NR1H3: variants seen among roughly 807,000 people sequenced by gnomAD.
NR1H3 encodes oxysterols receptor LXR-alpha.
Under a neutral mutation model 48.1 loss-of-function variants are expected in NR1H3, and 19 were observed. The observed-to-expected ratio is 0.40, with a 90% CI of 0.28 to 0.58. The LOEUF is 0.58. Among genes scored for constraint, NR1H3 ranks in the 20% least tolerant of loss-of-function variants. The pLI is 0.50. For missense variants in NR1H3, 486 were observed against 595.9 expected (o/e 0.82, Z 1.92); for synonymous variants, 232 against 227.3 (o/e 1.02, Z -0.19).
In NR1H3 at chr11:47,259,781, T is replaced by C; in HGVS notation, c.44-10T>C. On this transcript the variant is annotated splice_polypyrimidine_tract_variant and intron_variant, in intron 2 of 9. Coordinates refer to ENST00000441012, the MANE Select transcript of NR1H3 (RefSeq NM_005693.4). ...CTGAGACCCCCTTGTGCCTCTCTTT[T>C]GGAGCTCAGACTCTGCGGTGGAGCT... 6.2e-7 allele frequency: 1 copy of C among 1,611,942 alleles called. No homozygotes were observed. Among genetic ancestry groups the C allele is most frequent in the Non-Finnish European group, 8.5e-7 (1 of 1,179,858 alleles).
At chr11:47,262,536 G>T (rs1193798074) in intron 7 of NR1H3, among the ~76,000 whole-genome samples, 20 of 144,988 alleles carry the variant, frequency 1.4e-4, no homozygotes, top group African/African-American at 2.0e-4. Flanking sequence ...TTTTTTTTTA[G>T]ACAGAGTTTG....
Position 47,261,439 on chromosome 11 carries a change from T to G in NR1H3, c.698T>G (p.Leu233Arg). 1 of 1,613,958 alleles carries G rather than the reference T, an allele frequency of 6.2e-7. No individual in the cohort carries two copies. Among genetic ancestry groups the G allele is most frequent in the Non-Finnish European group, 8.5e-7 (1 of 1,179,958 alleles). ...QCNRRSFSDR[L>R]RVTPWPMAPD... ...AACCGGCGCTCCTTTTCTGACCGGC[T>G]TCGAGTCACGGTACTTGACACACCT... Residue 233 changes from leucine (L) to arginine (R), a missense_variant, in exon 5 of 10, where the codon CTT (leucine) becomes CGT (arginine). Leu to Arg is a moderately radical substitution (Grantham distance 102). Coordinates refer to ENST00000441012, the MANE Select transcript of NR1H3 (RefSeq NM_005693.4).
chr11:47,264,118 G>C (rs1418875360), intron 7 of NR1H3, among the ~76,000 whole-genome samples: 1 of 152,208 alleles, frequency 6.6e-6, no homozygotes, highest in African/African-American at 2.4e-5. Flanking sequence ...TATTGATAAT[G>C]TTTGTATCAT....
At chr11:47,256,731 C>CT (rs59869867), upstream of NR1H3, among the ~76,000 whole-genome samples, 285 of 134,026 alleles carry the variant, frequency 2.1e-3, 1 homozygote, top group Admixed American at 3.1e-3. Flanking sequence ...AATAATATTT[C>CT]TTTTTTTTTT....
chr11:47,261,493 A>G, intron 5 of NR1H3, 44 bp downstream of exon 5: 1 of 1,610,642 alleles, frequency 6.2e-7, no homozygotes, highest in Non-Finnish European at 8.5e-7. Flanking sequence ...CCAGATCACC[A>G]GTGGGCTTCT....
chr11:47,262,589 A>C (rs78162638), intron 7 of NR1H3, among the ~76,000 whole-genome samples: 25 of 149,816 alleles, frequency 1.7e-4, no homozygotes, highest in African/African-American at 6.2e-4. Flanking sequence ...ATCTTGGCTC[A>C]CTACAACCTC....
At chr11:47,262,075 AT>A in intron 7 of NR1H3, 57 bp downstream of exon 7, 2 of 1,333,914 alleles carry the variant, frequency 1.5e-6, no homozygotes, top group Non-Finnish European at 1.0e-6. Context: ...TTCTTTTTTT[AT>A]TTTTTATTTT....
At chr11:47,255,480 T>G (rs1056229697), upstream of NR1H3, among the ~76,000 whole-genome samples, 1 of 152,214 alleles carries the variant, frequency 6.6e-6, no homozygotes, top group Admixed American at 6.5e-5. Flanking sequence ...TGATGATAAC[T>G]CGTGCCATTT....
In NR1H3 at chr11:47,261,644, T is replaced by C; in HGVS notation, c.806T>C (p.Val269Ala). Residue 269 changes from valine to alanine, a missense_variant, in exon 6 of 10, where the codon GTT becomes GCT. Val to Ala is a moderately conservative substitution (Grantham distance 64). Coordinates refer to ENST00000441012, the MANE Select transcript of NR1H3 (RefSeq NM_005693.4). ...ELAIVSVQEI[V>A]DFAKQLPGFL... ...GCCATCGTCTCTGTGCAGGAGATAG[T>C]TGACTTTGCTAAACAGCTACCCGGC... is the stretch of plus-strand genomic sequence containing the variant. 1.2e-6 allele frequency: 2 copies of C among 1,614,184 alleles called. No homozygotes were observed. The highest frequency in any genetic ancestry group is 1.7e-6 in the Non-Finnish European group (2 of 1,180,032).
In NR1H3 at chr11:47,261,893, G is replaced by A. The variant is rs768686789; in HGVS notation, c.889-26G>A. On this transcript the variant is annotated intron_variant, in intron 6 of 9. Transcript: ENST00000441012. ...TCCAAGACCAGCCCTCCTAGTCCCC[G>A]TTTGAGGTTTGCTGCTTGTGTGCAG... The A allele has an allele frequency of 3.3e-5, 53 of 1,609,392 alleles. No homozygotes were observed. The Admixed American group carries it at 4.0e-4, about 12-fold the overall frequency.
Position 47,259,670 on chromosome 11 carries a change from G to A in NR1H3, c.44-121G>A, listed in dbSNP as rs1955618152. On this transcript the variant is annotated intron_variant, in intron 2 of 9. Transcript: ENST00000441012. ...CACAGACTCTAGGGTCCCAAAGCCT[G>A]AGCTGGGACTTTGCTGCCCTCTAAG... The A allele has an allele frequency of 2.0e-6, 3 of 1,538,348 alleles. No individual in the cohort carries two copies. The African/African-American group carries it at 4.1e-5, about 21-fold the overall frequency.
At chr11:47,257,500 C>A, upstream of NR1H3, 1 of 244,734 alleles carries the variant, frequency 4.1e-6, no homozygotes, top group Non-Finnish European at 6.6e-6. Context: ...TTTCTACCAG[C>A]TTGGCTGAGG....
chr11:47,252,050 A>G (rs888547752), intron 1 of NR1H3, among the ~76,000 whole-genome samples: 2 of 150,472 alleles, frequency 1.3e-5, no homozygotes, highest in Non-Finnish European at 3.0e-5. Context: ...TCGTAACTAC[A>G]GGTGCAAAAA....
chr11:47,248,735 C>T, upstream of NR1H3: 2 of 1,610,832 alleles, frequency 1.2e-6, no homozygotes, highest in South Asian at 1.1e-5. Flanking sequence ...AGGTTCACGC[C>T]GAGAAGGAGC....
At chr11:47,262,435 G>T in intron 7 of NR1H3, among the ~76,000 whole-genome samples, 1 of 151,908 alleles carries the variant, frequency 6.6e-6, no homozygotes, top group Non-Finnish European at 1.5e-5. Context: ...CTGGCCTCAA[G>T]TGATCCTCCT....
chr11:47,263,066 C>A (rs1591139411), intron 7 of NR1H3, among the ~76,000 whole-genome samples: 1 of 152,084 alleles, frequency 6.6e-6, no homozygotes, highest in African/African-American at 2.4e-5. Flanking sequence ...CAGGAATGTC[C>A]TTCATCTTTA....
intron 1 of NR1H3, chr11:47,249,023 C>G: frequency 1.4e-6 from 2 of 1,470,664 alleles, no homozygotes; most frequent in South Asian, 1.3e-5. Context: ...GCGCGGCAGA[C>G]AGGGCTCGAA....
At chr11:47,258,316 C>T (rs1463545344) in intron 1 of NR1H3, 187 bp downstream of exon 1, 6 of 510,812 alleles carry the variant, frequency 1.2e-5, no homozygotes, top group Non-Finnish European at 1.5e-5. Flanking sequence ...GGAGGAGGTC[C>T]TCTATGTGAA....
rs754635334 is a variant in NR1H3, at chr11:47,260,491, C to T, written c.315C>T (p.Ala105=). 5 of 1,614,144 alleles carry T rather than the reference C, an allele frequency of 3.1e-6. No homozygotes were observed. The highest frequency in any genetic ancestry group is 1.3e-5 in the African/African-American group (1 of 74,948). Residue 105 remains alanine (A), a synonymous_variant, in exon 4 of 10, where the codon GCC becomes GCT. Transcript: ENST00000441012. ...TATGCAGCGTGTGTGGGGACAAGGC[C>T]TCGGGCTTCCACTACAATGTTCTGA... ...NELCSVCGDK[A]SGFHYNVLSC...
Sources: gnomAD v4.1 joint callset for allele counts (sites outside exome capture counted in the v4.1 genomes callset) on GRCh38, gnomAD v4.1.1 for gene constraint, MANE v1.5 for transcripts, NCBI Gene and HGNC (gene_info 2026-07-23, HGNC 2026-07-21) for gene names.